SH3RF3: variants seen among roughly 807,000 people sequenced by gnomAD.
The protein encoded by SH3RF3 is SH3 domain containing ring finger 3.
A neutral mutation model predicts 66.3 loss-of-function variants in SH3RF3; 29 were observed. The observed-to-expected ratio is 0.44, with a 90% confidence interval of 0.33 to 0.60. The LOEUF (loss-of-function observed/expected upper bound fraction) is 0.60, where lower values mean the gene tolerates loss of function less well. Ranked by LOEUF, SH3RF3 falls within the 20% of genes least tolerant of loss-of-function variation. The pLI, the probability that SH3RF3 is intolerant of heterozygous loss-of-function variation, is 0.04. For missense variants in SH3RF3, 1,194 were observed against 1,190.9 expected (o/e 1.00, Z -0.04); for synonymous variants, 583 against 532.0 (o/e 1.10, Z -1.32).
intron 1 of SH3RF3, among the ~76,000 whole-genome samples, chr2:109,181,910 T>C (rs1299190175): frequency 1.3e-5 from 2 of 152,220 alleles, no homozygotes; most frequent in African/African-American, 2.4e-5. Context: ...CTTTTAGGCT[T>C]TACTGTAGTT....
intron 1 of SH3RF3, among the ~76,000 whole-genome samples, chr2:109,236,129 T>C (rs1679643279): frequency 6.6e-6 from 1 of 152,182 alleles, no homozygotes; most frequent in Non-Finnish European, 1.5e-5. Context: ...CCAAGATCAA[T>C]AGTTTATTTC....
chr2:109,182,384 A>G (rs1215118623), intron 1 of SH3RF3, among the ~76,000 whole-genome samples: 14 of 152,338 alleles, frequency 9.2e-5, no homozygotes, highest in Admixed American at 7.2e-4. Context: ...TGAAGCCCTC[A>G]TGACCTAATC....
chr2:109,492,922 C>T (rs1226911816), intron 9 of SH3RF3, among the ~76,000 whole-genome samples: 1 of 152,058 alleles, frequency 6.6e-6, no homozygotes, highest in African/African-American at 2.4e-5. Context: ...TACAGCCACA[C>T]CCACAGGGAG....
At chr2:109,280,549 T>G (rs4504023) in intron 1 of SH3RF3, among the ~76,000 whole-genome samples, 12 of 152,034 alleles carry the variant, frequency 7.9e-5, no homozygotes, top group Middle Eastern at 3.2e-3. Flanking sequence ...TAGCAGTCAT[T>G]GAAATATGGG....
intron 8 of SH3RF3, among the ~76,000 whole-genome samples, chr2:109,482,105 C>T (rs531287492): frequency 2.0e-5 from 3 of 152,222 alleles, no homozygotes; most frequent in Non-Finnish European, 2.9e-5. Flanking sequence ...CAGCAAGTCC[C>T]GGGTTCGAAT....
chr2:109,372,290 G>A lies in SH3RF3; in HGVS notation c.945+609G>A, dbSNP rs368184532. On this transcript the variant is annotated intron_variant, in intron 3 of 9. Coordinates refer to ENST00000309415, the MANE Select transcript of SH3RF3 (RefSeq NM_001099289.3). ...GTTTAGGGTAGCTGCTGTGCAGAAA[G>A]CATCTTAACACGTGTGTCTTTAAAA... Among the ~76,000 whole-genome samples, 4 of 152,334 alleles carry A rather than the reference G, an allele frequency of 2.6e-5. No homozygotes were observed. In the East Asian group the frequency reaches 7.7e-4, roughly 29 times the overall value.
intron 1 of SH3RF3, among the ~76,000 whole-genome samples, chr2:109,271,606 C>A (rs1436721408): frequency 6.6e-6 from 1 of 152,214 alleles, no homozygotes; most frequent in Non-Finnish European, 1.5e-5. Flanking sequence ...GAGTGGGGAC[C>A]AACAATGGGG....
intron 1 of SH3RF3, among the ~76,000 whole-genome samples, chr2:109,137,530 AT>A (rs1393041960): frequency 6.6e-6 from 1 of 152,230 alleles, no homozygotes; most frequent in South Asian, 2.1e-4. Flanking sequence ...TTTTCTGAAG[AT>A]TCTTTTAATT....
chr2:109,470,324 G>T (rs1014172567), intron 8 of SH3RF3, among the ~76,000 whole-genome samples: 1 of 152,276 alleles, frequency 6.6e-6, no homozygotes, highest in Middle Eastern at 3.4e-3. Flanking sequence ...TGCATTTCGG[G>T]TAGACTCCTG....
At chr2:109,218,662 G>A (rs903625769) in intron 1 of SH3RF3, among the ~76,000 whole-genome samples, 11 of 152,144 alleles carry the variant, frequency 7.2e-5, no homozygotes, top group South Asian at 2.1e-4. Context: ...AGGCCCTGCC[G>A]GCCAGCAGGA....
rs116695121 is a variant in SH3RF3, at chr2:109,246,657, C to A, written c.574-101017C>A. Reference sequence around the variant, plus strand: ...TCTCCCTGCACGTGTCTTATTTGACCTGTGGACTTAACGTGCCTGGTGGAA... The same window carrying A: ...TCTCCCTGCACGTGTCTTATTTGACATGTGGACTTAACGTGCCTGGTGGAA... On this transcript the variant is annotated intron_variant, in intron 1 of 9. Transcript: ENST00000309415. Among the ~76,000 whole-genome samples the A allele has an allele frequency of 4.8e-3, 736 of 152,316 alleles. 2 individuals carry two copies. Among genetic ancestry groups the A allele is most frequent in the Non-Finnish European group, 7.9e-3 (536 of 68,040 alleles).
chr2:109,147,469 TC>T (rs1290194737), intron 1 of SH3RF3, among the ~76,000 whole-genome samples: 1 of 152,212 alleles, frequency 6.6e-6, no homozygotes, highest in African/African-American at 2.4e-5. Flanking sequence ...TTTATAATTT[TC>T]CATCTACCAC....
chr2:109,499,723 T>C (rs9712339), intron 9 of SH3RF3, among the ~76,000 whole-genome samples: 60,573 of 152,078 alleles, frequency 0.4, 12,419 homozygotes, highest in Admixed American at 0.53. Context: ...TCCTCCTCTG[T>C]GGCTTGCAGG....
At chr2:109,170,155 A>T (rs1677726310) in intron 1 of SH3RF3, among the ~76,000 whole-genome samples, 1 of 152,042 alleles carries the variant, frequency 6.6e-6, no homozygotes. Flanking sequence ...CATACCCCTA[A>T]TACCATCGTC....
At chr2:109,323,184 G>T (rs1430140477) in intron 1 of SH3RF3, among the ~76,000 whole-genome samples, 1 of 152,182 alleles carries the variant, frequency 6.6e-6, no homozygotes, top group East Asian at 1.9e-4. Flanking sequence ...GGGGAGGTGT[G>T]TATTTCTAGA....
intron 1 of SH3RF3, among the ~76,000 whole-genome samples, chr2:109,217,373 A>G (rs1377289167): frequency 6.6e-6 from 1 of 152,250 alleles, no homozygotes; most frequent in African/African-American, 2.4e-5. Flanking sequence ...GAATGAGGCT[A>G]CAGGTCAAAT....
Position 109,296,838 on chromosome 2 carries a change from C to T in SH3RF3, c.574-50836C>T, listed in dbSNP as rs375644467. Among the ~76,000 whole-genome samples, 9 of 152,254 alleles carry T rather than the reference C, an allele frequency of 5.9e-5. No homozygotes were observed. The South Asian group carries it at 1.9e-3, about 32-fold the overall frequency. On this transcript the variant is annotated intron_variant, in intron 1 of 9. Coordinates refer to ENST00000309415, the MANE Select transcript of SH3RF3 (RefSeq NM_001099289.3). ...CTAGCAGAGCTGCTGCCAGTGGCCC[C>T]CAAGGCGTCTCACCTCCTGACAGCA...
At chr2:109,449,107 T>TC in intron 7 of SH3RF3, 63 bp from the exon 8 acceptor site, 1 of 1,533,774 alleles carries the variant, frequency 6.5e-7, no homozygotes. Context: ...TGCAGCTGCC[T>TC]GGCAGGCATG....
At chr2:109,331,771 CTGAT>C (rs750324901) in intron 1 of SH3RF3, among the ~76,000 whole-genome samples, 3 of 152,198 alleles carry the variant, frequency 2.0e-5, no homozygotes, top group Non-Finnish European at 4.4e-5. Flanking sequence ...TACTTGGTGA[CTGAT>C]TGAATGAATA....
Sources: gnomAD v4.1 joint callset for allele counts (sites outside exome capture counted in the v4.1 genomes callset) on GRCh38, gnomAD v4.1.1 for gene constraint, MANE v1.5 for transcripts, NCBI Gene and HGNC (gene_info 2026-07-23, HGNC 2026-07-21) for gene names.